Variants in THOC5 observed in about 807,000 individuals in gnomAD.
The protein encoded by THOC5 is Fms-interacting protein.
A neutral mutation model predicts 92.9 loss-of-function variants in THOC5; 43 were observed. The ratio of observed to expected loss-of-function variants is 0.46; its 90% confidence interval spans 0.36 to 0.60. The LOEUF is 0.60. Ranked by LOEUF, THOC5 falls within the 20% of genes least tolerant of loss-of-function variation. The pLI, the probability that THOC5 is intolerant of heterozygous loss-of-function variation, is 0.00. For missense variants in THOC5, 659 were observed against 849.4 expected (o/e 0.78, Z 2.79); for synonymous variants, 296 against 320.1 (o/e 0.92, Z 0.80).
intron 15 of THOC5, 67 bp from the exon 16 acceptor site, chr22:29,517,433 C>T (rs1452160821): frequency 7.2e-7 from 1 of 1,397,656 alleles, no homozygotes; most frequent in African/African-American, 1.4e-5. Context: ...TAACTAGCAT[C>T]CTCCTGGGGC....
chr22:29,510,311 TAGGG>T (rs2063199500), intron 19 of THOC5, among the ~76,000 whole-genome samples: 1 of 152,044 alleles, frequency 6.6e-6, no homozygotes, highest in Admixed American at 6.6e-5. Flanking sequence ...CTTTAGAAAA[TAGGG>T]GTCAGGCACA....
intron 2 of THOC5, among the ~76,000 whole-genome samples, chr22:29,547,990 C>A (rs542390825): frequency 3.9e-5 from 6 of 152,044 alleles, no homozygotes; most frequent in Non-Finnish European, 7.3e-5. Context: ...TTTTACATGG[C>A]GGCAGCAAAA....
At chr22:29,526,802 C>T (rs2063553867) in intron 11 of THOC5, among the ~76,000 whole-genome samples, 1 of 152,154 alleles carries the variant, frequency 6.6e-6, no homozygotes, top group African/African-American at 2.4e-5. Flanking sequence ...TTCTCTCCCC[C>T]AAATCCATAA....
intron 12 of THOC5, among the ~76,000 whole-genome samples, chr22:29,522,678 T>C (rs1402538687): frequency 6.6e-6 from 1 of 152,090 alleles, no homozygotes; most frequent in Non-Finnish European, 1.5e-5. Flanking sequence ...AAATCTTTGT[T>C]ATAAAATTTT....
intron 10 of THOC5, 81 bp downstream of exon 10, chr22:29,528,345 T>C (rs985738152): frequency 1.5e-5 from 25 of 1,613,934 alleles, no homozygotes; most frequent in African/African-American, 2.7e-5. Context: ...CTTCTGCTTC[T>C]AGGGAGGACG....
Position 29,548,977 on chromosome 22 carries a change from G to A in THOC5, c.96+75C>T. ...TACCTGGTAGATGCGACCCCGAGCTGCTGCAAACACACAGCCAGGTGCTTG... is the reference window on the plus strand; with the variant it reads ...TACCTGGTAGATGCGACCCCGAGCTACTGCAAACACACAGCCAGGTGCTTG... On this transcript the variant is annotated intron_variant, in intron 2 of 19. Transcript: ENST00000490103. 6.1e-6 allele frequency: 9 copies of A among 1,468,396 alleles called. No individual in the cohort carries two copies. In the South Asian group the frequency reaches 1.1e-4, roughly 17 times the overall value. 91.0% of individuals were successfully genotyped at this position (1,468,396 alleles called of 1,614,324 possible).
At chr22:29,528,805 GGTACTATGTGCT>G (rs1211930717) in intron 9 of THOC5, 1 of 489,972 alleles carries the variant, frequency 2.0e-6, no homozygotes, top group East Asian at 3.6e-5. Context: ...AACTTGAGGG[GGTACTATGTGCT>G]GAGAATTATG....
intron 12 of THOC5, among the ~76,000 whole-genome samples, chr22:29,523,692 T>C (rs2063489508): frequency 1.3e-5 from 2 of 152,146 alleles, no homozygotes; most frequent in Non-Finnish European, 2.9e-5. Context: ...TCTGATAAGA[T>C]ACTTGAAAGA....
intron 7 of THOC5, 116 bp from the exon 8 acceptor site, chr22:29,532,079 A>G: frequency 8.0e-7 from 1 of 1,253,514 alleles, no homozygotes; most frequent in Non-Finnish European, 1.1e-6. Context: ...ATAAACTAAT[A>G]GAACTAATAG....
chr22:29,519,213 C>A, intron 14 of THOC5, 93 bp from the exon 15 acceptor site: 1 of 775,880 alleles, frequency 1.3e-6, no homozygotes, highest in South Asian at 1.8e-5. Flanking sequence ...CTGCGGCACC[C>A]TGGATTATCC....
chr22:29,508,312 C>G lies in THOC5; in HGVS notation c.*145G>C. On this transcript the variant is annotated 3_prime_UTR_variant, in exon 20 of 20. Transcript: ENST00000490103. ...TGCAAAGCCACCTTGCCAGGAACCA[C>G]AGACAAAGGCCACTGGTCAGGTGAC... The G allele has an allele frequency of 1.2e-6, 1 of 822,478 alleles. No individual in the cohort carries two copies. Among genetic ancestry groups the G allele is most frequent in the South Asian group, 1.8e-5 (1 of 55,958 alleles). 50.9% of individuals were successfully genotyped at this position (822,478 alleles called of 1,614,324 possible).
chr22:29,546,843 CT>C lies in THOC5; in HGVS notation c.96+2208del, dbSNP rs112906478. 9.9e-3 allele frequency among the ~76,000 whole-genome samples: 1,359 copies of C among 137,912 alleles called. 6 individuals are homozygous for C. The highest frequency in any genetic ancestry group is 0.031 in the Middle Eastern group (8 of 260). The allele number at this position is 137,912 out of a possible 152,430, so 90.5% of individuals were successfully genotyped here. A position where few individuals can be genotyped will look rare whatever the true frequency, so the allele number is the denominator to read the frequency against. On this transcript the variant is annotated intron_variant, in intron 2 of 19. Transcript: ENST00000490103. ...GCTTTTAACAGTACCCAAGTCACTT[CT>C]TTTTTTTTTTTTTGAGACAAGGTCT...
At chr22:29,528,304 T>TC in intron 10 of THOC5, 122 bp downstream of exon 10, 1 of 1,613,854 alleles carries the variant, frequency 6.2e-7, no homozygotes, top group Non-Finnish European at 8.5e-7. Flanking sequence ...GTTGTCAGAC[T>TC]CCCCTCCCAG....
At chr22:29,528,806 G>A (rs2063595915) in intron 9 of THOC5, 1 of 493,488 alleles carries the variant, frequency 2.0e-6, no homozygotes, top group South Asian at 2.6e-5. Context: ...ACTTGAGGGG[G>A]TACTATGTGC....
chr22:29,526,015 G>T, intron 11 of THOC5, 69 bp from the exon 12 acceptor site: 2 of 790,134 alleles, frequency 2.5e-6, no homozygotes, highest in East Asian at 4.6e-5. Context: ...GAGTCATAGG[G>T]GGTAGTAAGG....
At chr22:29,522,366 AT>A (rs1378561669) in intron 12 of THOC5, among the ~76,000 whole-genome samples, 3 of 141,058 alleles carry the variant, frequency 2.1e-5, no homozygotes, top group Non-Finnish European at 4.6e-5. Flanking sequence ...TCTCAAAAAA[AT>A]AAATAAAATA....
At chr22:29,520,905 A>G in intron 13 of THOC5, 93 bp downstream of exon 13, 1 of 897,952 alleles carries the variant, frequency 1.1e-6, no homozygotes, top group Non-Finnish European at 1.8e-6. Flanking sequence ...CCTCTGGGTC[A>G]CCTCTGGCCC....
chr22:29,535,237 T>C (rs1456588331), intron 7 of THOC5: 1 of 129,964 alleles, frequency 7.7e-6, no homozygotes, highest in Non-Finnish European at 1.5e-5. Flanking sequence ...CACTCCAGCC[T>C]GTGCGACAGA....
chr22:29,533,641 G>A (rs1277669258), intron 7 of THOC5, among the ~76,000 whole-genome samples: 1 of 152,124 alleles, frequency 6.6e-6, no homozygotes, highest in Non-Finnish European at 1.5e-5. Context: ...GAATGGGGAA[G>A]ACCTGGGAAA....
Sources: gnomAD v4.1 joint callset for allele counts (sites outside exome capture counted in the v4.1 genomes callset) on GRCh38, gnomAD v4.1.1 for gene constraint, MANE v1.5 for transcripts, NCBI Gene and HGNC (gene_info 2026-07-23, HGNC 2026-07-21) for gene names.